Variants in DGKD observed in about 807,000 individuals in gnomAD.
DGKD encodes diacylglycerol kinase delta, also known as DAG kinase delta.
In DGKD, 68 loss-of-function variants were observed where a neutral mutation model predicts 154.4. That is an observed-to-expected ratio of 0.44 (90% CI 0.36 to 0.54). The LOEUF (loss-of-function observed/expected upper bound fraction) is 0.54. Among genes scored for constraint, DGKD ranks in the 20% least tolerant of loss-of-function variants. The pLI is 0.00. For missense variants in DGKD, 1,343 were observed against 1,593.6 expected (o/e 0.84, Z 2.68); for synonymous variants, 693 against 638.0 (o/e 1.09, Z -1.30).
intron 19 of DGKD, among the ~76,000 whole-genome samples, 183 bp downstream of exon 19, chr2:233,455,056 CCT>C (rs2063412302): frequency 6.6e-6 from 1 of 152,176 alleles, no homozygotes; most frequent in Non-Finnish European, 1.5e-5. Context: ...AAGGGAAGCA[CCT>C]CTCGGGCTGG....
At chr2:233,417,837 G>T (rs549049891) in intron 3 of DGKD, among the ~76,000 whole-genome samples, 2 of 152,270 alleles carry the variant, frequency 1.3e-5, no homozygotes, top group Non-Finnish European at 1.5e-5. Flanking sequence ...ACAGTTGTGG[G>T]TATGGAGAGC....
chr2:233,397,028 C>CCAGGGTGGCTGGTAGAG (rs1559501379), intron 3 of DGKD, among the ~76,000 whole-genome samples: 1,932 of 4,628 alleles, frequency 0.42, 744 homozygotes, highest in Non-Finnish European at 0.45. Context: ...GGGGGGGGGG[C>CCAGGGTGGCTGGTAGAG]GCCAGAGTGA....
In DGKD at chr2:233,458,208, G is replaced by A; in HGVS notation, c.2581-76G>A. The A allele has an allele frequency of 2.2e-6, 2 of 917,072 alleles. No homozygotes were observed. Among genetic ancestry groups the A allele is most frequent in the Non-Finnish European group, 3.5e-6 (2 of 578,028 alleles). The allele number at this position is 917,072 out of a possible 1,614,324, so 56.8% of individuals were successfully genotyped here. A position where few individuals can be genotyped will look rare whatever the true frequency, so the allele number is the denominator to read the frequency against. Reference sequence around the variant, plus strand: ...AGCTAGGAGGGGCTGACCCCCAGAGGGAGGGAGTGAGGGTAGGGGCGGCCT... The same window carrying A: ...AGCTAGGAGGGGCTGACCCCCAGAGAGAGGGAGTGAGGGTAGGGGCGGCCT... On this transcript the variant is annotated intron_variant, in intron 21 of 29. Coordinates refer to ENST00000264057, the MANE Select transcript of DGKD (RefSeq NM_152879.3). The surrounding 1 kb of genome is among the most constrained non-coding windows in gnomAD (Gnocchi z 6.6).
rs930539817 is a variant in DGKD, at chr2:233,438,944, G to A, written c.1085+565G>A. Reference sequence around the variant, plus strand: ...ACAGGAGGCCGCTCGGTGTGCAGGTGCTGCAAGGCAGGAACACGTAAGGGC... The same window carrying A: ...ACAGGAGGCCGCTCGGTGTGCAGGTACTGCAAGGCAGGAACACGTAAGGGC... On this transcript the variant is annotated intron_variant, in intron 9 of 29. Transcript: ENST00000264057. This position sits in a 1 kb window ranked among gnomAD's most constrained non-coding sequence, Gnocchi z 4.1. Among the ~76,000 whole-genome samples, 1 of 152,240 alleles carries A rather than the reference G, an allele frequency of 6.6e-6. No individual in the cohort carries two copies. Among genetic ancestry groups the A allele is most frequent in the Admixed American group, 6.5e-5 (1 of 15,286 alleles).
In DGKD at chr2:233,457,544, T is replaced by A. The variant is rs1165136396; in HGVS notation, c.2580+216T>A. 4.5e-6 allele frequency: 3 copies of A among 661,198 alleles called. No individual in the cohort carries two copies. In the Admixed American group the frequency reaches 6.2e-5, roughly 14 times the overall value. The allele number at this position is 661,198 out of a possible 1,614,324, so 41.0% of individuals were successfully genotyped here. On this transcript the variant is annotated intron_variant, in intron 21 of 29. Coordinates refer to ENST00000264057, the MANE Select transcript of DGKD (RefSeq NM_152879.3). This position sits in a 1 kb window ranked among gnomAD's most constrained non-coding sequence, Gnocchi z 5.5. ...TGTCAGTGAAGGTGGTCAGTGAGGG[T>A]CTGTGGTCAGCAGATGTGGTCAGCG...
chr2:233,449,456 C>T lies in DGKD; in HGVS notation c.1888+80C>T. 1 of 1,492,502 alleles carries T rather than the reference C, an allele frequency of 6.7e-7. No individual in the cohort carries two copies. Among genetic ancestry groups the T allele is most frequent in the East Asian group, 2.4e-5 (1 of 41,936 alleles). 92.5% of individuals were successfully genotyped at this position (1,492,502 alleles called of 1,614,324 possible). The stretch of plus-strand genomic sequence containing the variant: ...CAGCGTCCCCTGAACACGGAGATGA[C>T]AGAAGGGTGCATGTTGAGAAAACCT... On this transcript the variant is annotated intron_variant, in intron 15 of 29. Coordinates refer to ENST00000264057, the MANE Select transcript of DGKD (RefSeq NM_152879.3). The surrounding 1 kb of genome is among the most constrained non-coding windows in gnomAD (Gnocchi z 5.3).
At chr2:233,419,210 T>G in intron 3 of DGKD, 1 of 985,536 alleles carries the variant, frequency 1.0e-6, no homozygotes, top group South Asian at 4.7e-5. Flanking sequence ...TCCGAGTGCC[T>G]CATCCTGCCC....
At position 233,440,143 on chromosome 2, in the gene DGKD, G is replaced by A. The variant is rs1358189372; in HGVS notation, c.1086-1744G>A. ...TGATTTAGGAAGCCCCCACAGCGGC[G>A]TAAGGGGAGTTGAGTCGTCATTTAC... is the stretch of plus-strand genomic sequence containing the variant. On this transcript the variant is annotated intron_variant, in intron 9 of 29. Transcript: ENST00000264057. This position sits in a 1 kb window ranked among gnomAD's most constrained non-coding sequence, Gnocchi z 4.9. Among the ~76,000 whole-genome samples, 3 of 152,188 alleles carry A rather than the reference G, an allele frequency of 2.0e-5. No homozygotes were observed. The highest frequency in any genetic ancestry group is 6.5e-5 in the Admixed American group (1 of 15,284).
At chr2:233,418,731 C>A (rs770851302) in intron 3 of DGKD, among the ~76,000 whole-genome samples, 1 of 152,298 alleles carries the variant, frequency 6.6e-6, no homozygotes, top group African/African-American at 2.4e-5. Flanking sequence ...CTCCTTCCCC[C>A]CAAAGCTGCT....
intron 1 of DGKD, among the ~76,000 whole-genome samples, chr2:233,365,818 TTTGAG>T (rs1330871788): frequency 6.6e-6 from 1 of 152,202 alleles, no homozygotes; most frequent in Non-Finnish European, 1.5e-5. Flanking sequence ...GCTTAAATAT[TTTGAG>T]TTGAACAATA....
At chr2:233,357,458 G>T (rs1339831507) in intron 1 of DGKD, among the ~76,000 whole-genome samples, 1 of 151,986 alleles carries the variant, frequency 6.6e-6, no homozygotes, top group Non-Finnish European at 1.5e-5. Flanking sequence ...TAGGGATCCT[G>T]TTAAAATGAT....
chr2:233,354,593 CG>C lies in DGKD; in HGVS notation c.76del (p.Asp26ThrfsTer35). The C allele has an allele frequency of 9.0e-7, 1 of 1,115,898 alleles. No individual in the cohort carries two copies. The highest frequency in any genetic ancestry group is 1.1e-6 in the Non-Finnish European group (1 of 897,274). The allele number at this position is 1,115,898 out of a possible 1,614,324, so 69.1% of individuals were successfully genotyped here. ...CGCCGCCGCCGCCCGAGGAGTCGTC[CG>C]ACAGCGAGCCCGAGGCGGAGCCCGG... ...PPPPPPEESS[D>X]SEPEAEPGSP... On this transcript the variant is annotated frameshift_variant, in exon 1 of 30. Coordinates refer to ENST00000264057, the MANE Select transcript of DGKD (RefSeq NM_152879.3). LOFTEE classifies it high-confidence loss of function. The surrounding 1 kb of genome is among the most constrained non-coding windows in gnomAD (Gnocchi z 4.8).
intron 1 of DGKD, among the ~76,000 whole-genome samples, chr2:233,367,044 A>G (rs1328733941): frequency 1.3e-5 from 2 of 152,126 alleles, no homozygotes; most frequent in African/African-American, 4.8e-5. Flanking sequence ...TTGAACCAGA[A>G]ATGCCATTTA....
At chr2:233,375,618 A>G (rs1459184535) in intron 1 of DGKD, among the ~76,000 whole-genome samples, 1 of 152,074 alleles carries the variant, frequency 6.6e-6, no homozygotes, top group Non-Finnish European at 1.5e-5. Context: ...TAGGTCAGGA[A>G]GCTGGGGAGG....
chr2:233,428,187 C>T (rs1424587061), intron 3 of DGKD, among the ~76,000 whole-genome samples: 1 of 152,070 alleles, frequency 6.6e-6, no homozygotes, highest in Non-Finnish European at 1.5e-5. Flanking sequence ...GGTGTGGGGG[C>T]TGGAGCTCGC....
chr2:233,386,293 G>C (rs1703174951), intron 1 of DGKD: 1 of 277,342 alleles, frequency 3.6e-6, no homozygotes, highest in Non-Finnish European at 7.2e-6. Context: ...GGGTCTCGTG[G>C]TATATGTTTC....
At chr2:233,359,714 G>A (rs1701692392) in intron 1 of DGKD, among the ~76,000 whole-genome samples, 2 of 152,180 alleles carry the variant, frequency 1.3e-5, no homozygotes, top group Non-Finnish European at 2.9e-5. Flanking sequence ...CACTGGTTCA[G>A]TTTAACAGCA....
rs1276005802 is a variant in DGKD, at chr2:233,457,154, C to G, written c.2473-67C>G. 1 of 1,383,634 alleles carries G rather than the reference C, an allele frequency of 7.2e-7. No individual in the cohort carries two copies. The highest frequency in any genetic ancestry group is 1.4e-5 in the African/African-American group (1 of 68,990). 85.7% of individuals were successfully genotyped at this position (1,383,634 alleles called of 1,614,324 possible). ...CTCCTGAGCCCCTGGCGGTGGGAAG[C>G]TGGTAGAGAAGGAGGGGCTGACTCA... On this transcript the variant is annotated intron_variant, in intron 20 of 29. Transcript: ENST00000264057. This position sits in a 1 kb window ranked among gnomAD's most constrained non-coding sequence, Gnocchi z 5.5.
chr2:233,407,747 A>G (rs1167275094), intron 3 of DGKD, among the ~76,000 whole-genome samples: 1 of 152,208 alleles, frequency 6.6e-6, no homozygotes, highest in Non-Finnish European at 1.5e-5. Flanking sequence ...AGCCTGGGCA[A>G]CAGAGAGAGA....
Sources: gnomAD v4.1 joint callset for allele counts (sites outside exome capture counted in the v4.1 genomes callset) on GRCh38, gnomAD v4.1.1 for gene constraint, Gnocchi (gnomAD v3.1) non-coding constraint, MANE v1.5 for transcripts, NCBI Gene and HGNC (gene_info 2026-07-23, HGNC 2026-07-21) for gene names.